Variants in ACSM2B observed in about 807,000 individuals in gnomAD.
The protein encoded by ACSM2B is acyl-coenzyme A synthetase ACSM2B, mitochondrial.
In ACSM2B, 58 loss-of-function variants were observed where a neutral mutation model predicts 78.6. The observed-to-expected ratio is 0.74, with a 90% CI of 0.60 to 0.92. The LOEUF is 0.92. Among genes scored for constraint, ACSM2B ranks in the 40% least tolerant of loss-of-function variants. ACSM2B has a pLI of 0.00. For missense variants in ACSM2B, 688 were observed against 711.2 expected, an observed-to-expected ratio of 0.97 and a Z score of 0.37; for synonymous variants, 257 against 256.8, an observed-to-expected ratio of 1.00 and a Z score of -0.01.
chr16:20,552,064 T>C (rs1418421490), intron 6 of ACSM2B, 80 bp downstream of exon 6: 3 of 1,522,956 alleles, frequency 2.0e-6, no homozygotes, highest in Non-Finnish European at 2.6e-6. Context: ...TTAGATGAAT[T>C]GAAACAAACT....
intron 1 of ACSM2B, among the ~76,000 whole-genome samples, chr16:20,568,558 T>C (rs1430077637): frequency 6.6e-6 from 1 of 151,546 alleles, no homozygotes; most frequent in Non-Finnish European, 1.5e-5. Flanking sequence ...TTTCGTATAA[T>C]GACTTATTTT....
At chr16:20,540,218 T>G (rs1176532353) in intron 13 of ACSM2B, among the ~76,000 whole-genome samples, 3 of 51,442 alleles carry the variant, frequency 5.8e-5, no homozygotes, top group African/African-American at 1.5e-4. Flanking sequence ...GAGTTGTTTT[T>G]TTTTTGTTTT....
Position 20,564,919 on chromosome 16 carries a change from G to T in ACSM2B, c.-8-66C>A, listed in dbSNP as rs570560591. The T allele has an allele frequency of 3.7e-5, 56 of 1,523,606 alleles. No individual in the cohort carries two copies. The African/African-American group carries it at 7.6e-4, about 21-fold the overall frequency. The allele number at this position is 1,523,606 out of a possible 1,614,324, so 94.4% of individuals were successfully genotyped here. On this transcript the variant is annotated intron_variant, in intron 1 of 13. Transcript: ENST00000329697. Reference sequence around the variant, plus strand: ...CAGATTGCTCTACTGATCATCAGCGGCTTCAGGAGATTCATCCCAACCTTA... The same window carrying T: ...CAGATTGCTCTACTGATCATCAGCGTCTTCAGGAGATTCATCCCAACCTTA...
At chr16:20,553,419 C>A (rs533181064) in intron 5 of ACSM2B, among the ~76,000 whole-genome samples, 1 of 152,182 alleles carries the variant, frequency 6.6e-6, no homozygotes, top group East Asian at 1.9e-4. Flanking sequence ...TTGCTGCCGA[C>A]AAAAACTGCC....
chr16:20,558,875 G>A (rs1384779946), intron 3 of ACSM2B, among the ~76,000 whole-genome samples: 1 of 152,210 alleles, frequency 6.6e-6, no homozygotes, highest in Non-Finnish European at 1.5e-5. Context: ...CTGTGGGCAG[G>A]ATTTGGCCTG....
At chr16:20,567,284 G>C (rs555396248) in intron 1 of ACSM2B, among the ~76,000 whole-genome samples, 5 of 122,078 alleles carry the variant, frequency 4.1e-5, no homozygotes, top group African/African-American at 1.6e-4. Flanking sequence ...ATAATATGTA[G>C]CATAATATAT....
At chr16:20,555,117 A>AC (rs2015430405) in intron 4 of ACSM2B, 152 bp downstream of exon 4, 2 of 1,328,072 alleles carry the variant, frequency 1.5e-6, no homozygotes, top group African/African-American at 1.5e-5. Context: ...GAAAAAAAAA[A>AC]CCCTTGTATT....
rs1227110898 is a variant in ACSM2B, at chr16:20,559,147, G to A, written c.388+90C>T. The A allele has an allele frequency of 1.0e-5, 15 of 1,489,812 alleles. No homozygotes were observed. In the African/African-American group the frequency reaches 1.5e-4, roughly 15 times the overall value. 92.3% of individuals were successfully genotyped at this position (1,489,812 alleles called of 1,614,324 possible). On this transcript the variant is annotated intron_variant, in intron 3 of 13. Transcript: ENST00000329697. ...AGAGGACAGCATGCTCCAAGGCAGA[G>A]ACTTCTTTTGAGAGAGGTGGCTGCA...
intron 6 of ACSM2B, 64 bp downstream of exon 6, chr16:20,552,080 A>G (rs1423382968): frequency 1.3e-6 from 2 of 1,528,514 alleles, no homozygotes; most frequent in African/African-American, 2.8e-5. Context: ...AAACTACAAA[A>G]AATTGAAGTG....
intron 1 of ACSM2B, among the ~76,000 whole-genome samples, chr16:20,571,697 CT>C (rs1207270921): frequency 6.8e-6 from 1 of 146,274 alleles, no homozygotes; most frequent in East Asian, 2.0e-4. Context: ...TATTGTGTTG[CT>C]GTTTATATTA....
In ACSM2B at chr16:20,560,520, C is replaced by T. The variant is rs116115292; in HGVS notation, c.178-1073G>A. Among the ~76,000 whole-genome samples, 749 of 152,180 alleles carry T rather than the reference C, an allele frequency of 4.9e-3. 12 individuals carry two copies. Among genetic ancestry groups the T allele is most frequent in the South Asian group, 0.033 (158 of 4,776 alleles). On this transcript the variant is annotated intron_variant, in intron 2 of 13. Coordinates refer to ENST00000329697, the MANE Select transcript of ACSM2B (RefSeq NM_001105069.2). ...ATTGTAAATTTCTTGAGGCCCCCAT[C>T]AGAAGCAGATGCCAGCACACTTCCT...
intron 1 of ACSM2B, among the ~76,000 whole-genome samples, chr16:20,575,008 T>C (rs1230289889): frequency 2.7e-5 from 4 of 149,660 alleles, no homozygotes; most frequent in Admixed American, 1.3e-4. Flanking sequence ...TTGCCTCTCA[T>C]GAGCAATGAA....
intron 13 of ACSM2B, among the ~76,000 whole-genome samples, chr16:20,537,787 G>C (rs2014885144): frequency 1.3e-5 from 2 of 152,168 alleles, no homozygotes; most frequent in African/African-American, 4.8e-5. Context: ...AGATTATGCA[G>C]GCTAAGTTAT....
chr16:20,546,657 A>G lies in ACSM2B; in HGVS notation c.1099-183T>C, dbSNP rs368140740. 9.4e-4 allele frequency: 1,096 copies of G among 1,162,560 alleles called. 5 individuals carry two copies. The African/African-American group carries it at 0.011, about 12-fold the overall frequency. 72.0% of individuals were successfully genotyped at this position (1,162,560 alleles called of 1,614,324 possible). A position where few individuals can be genotyped will look rare whatever the true frequency, so the allele number is the denominator to read the frequency against. ...CTGGAATCACAATCCTAGGGGCCTC[A>G]CTAAATTGTTTGTTCAGGAAGCAAC... On this transcript the variant is annotated intron_variant, in intron 8 of 13. Transcript: ENST00000329697.
rs745441280 is a variant in ACSM2B, at chr16:20,559,372, C to T, written c.253G>A (p.Glu85Lys). 2 of 1,611,942 alleles carry T rather than the reference C, an allele frequency of 1.2e-6. No homozygotes were observed. Among genetic ancestry groups the T allele is most frequent in the African/African-American group, 2.7e-5 (2 of 74,862 alleles). ...KGKELMWNFRELSENSQQAAN... is the reference protein window; with the variant it reads ...KGKELMWNFRKLSENSQQAAN... ...GCCTGCTGGCTGTTTTCACTCAGTT[C>T]TCTGAAATTCCACATTAATTCCTTC... Residue 85 changes from glutamate to lysine, a missense_variant, in exon 3 of 14, where the codon GAA becomes AAA. Transcript: ENST00000329697.
chr16:20,563,422 G>C (rs961976472), intron 2 of ACSM2B, among the ~76,000 whole-genome samples: 1 of 151,870 alleles, frequency 6.6e-6, no homozygotes, highest in Non-Finnish European at 1.5e-5. Context: ...TTTTCTCCAT[G>C]GTTTTCATTA....
intron 2 of ACSM2B, among the ~76,000 whole-genome samples, chr16:20,560,020 TAAC>T (rs779261873): frequency 6.6e-6 from 1 of 151,144 alleles, no homozygotes; most frequent in Non-Finnish European, 1.5e-5. Context: ...AAAATACACA[TAAC>T]ATTTCCAGTT....
chr16:20,566,700 A>ATAC (rs1555459380), intron 1 of ACSM2B, among the ~76,000 whole-genome samples: 1 of 6,704 alleles, frequency 1.5e-4, no homozygotes, highest in Non-Finnish European at 2.8e-4. Flanking sequence ...TATATATAGT[A>ATAC]TATATATAGT....
intron 3 of ACSM2B, among the ~76,000 whole-genome samples, chr16:20,556,885 G>T (rs1350862736): frequency 6.6e-6 from 1 of 152,044 alleles, no homozygotes; most frequent in East Asian, 1.9e-4. Flanking sequence ...TCTCTGGCTT[G>T]TTCTCTCTTT....
Sources: gnomAD v4.1 joint callset for allele counts (sites outside exome capture counted in the v4.1 genomes callset) on GRCh38, gnomAD v4.1.1 for gene constraint, MANE v1.5 for transcripts, NCBI Gene and HGNC (gene_info 2026-07-23, HGNC 2026-07-21) for gene names.